ATG10: variants seen among roughly 807,000 people sequenced by gnomAD.
The protein encoded by ATG10 is autophagy related 10, also known as ubiquitin-like-conjugating enzyme ATG10.
In ATG10, 30 loss-of-function variants were observed where a neutral mutation model predicts 32.1. The ratio of observed to expected loss-of-function variants is 0.94; its 90% CI spans 0.70 to 1.27. The LOEUF is 1.27. ATG10 is among the 50% of genes most tolerant of loss of function. ATG10 has a pLI of 0.00. For missense variants in ATG10, 233 were observed against 262.3 expected (o/e 0.89, Z 0.77); for synonymous variants, 87 against 91.5 (o/e 0.95, Z 0.28).
intron 2 of ATG10, among the ~76,000 whole-genome samples, chr5:82,017,012 A>G (rs1476393480): frequency 6.6e-6 from 1 of 152,052 alleles, no homozygotes; most frequent in Non-Finnish European, 1.5e-5. Context: ...TCATTTTTAT[A>G]ATATCAATTC....
intron 2 of ATG10, among the ~76,000 whole-genome samples, chr5:81,998,717 GA>G (rs1417056250): frequency 6.6e-6 from 1 of 151,672 alleles, no homozygotes; most frequent in East Asian, 1.9e-4. Flanking sequence ...ATGGAAAACA[GA>G]AAAAAGCAGG....
intron 3 of ATG10, among the ~76,000 whole-genome samples, chr5:82,139,367 G>T (rs1253706479): frequency 6.7e-6 from 1 of 149,448 alleles, no homozygotes; most frequent in Non-Finnish European, 1.5e-5. Context: ...GAGCGTCTCC[G>T]CCCGGCCCCC....
At chr5:82,202,764 A>AT (rs1275864424) in intron 5 of ATG10, among the ~76,000 whole-genome samples, 1 of 146,800 alleles carries the variant, frequency 6.8e-6, no homozygotes, top group African/African-American at 2.7e-5. Flanking sequence ...AAACAAACAA[A>AT]TTAAAAAATG....
chr5:82,142,155 A>G (rs1189083212), intron 3 of ATG10, among the ~76,000 whole-genome samples: 3 of 152,200 alleles, frequency 2.0e-5, no homozygotes, highest in Non-Finnish European at 4.4e-5. Context: ...TTGAGCATCT[A>G]TATGCCAGGT....
intron 5 of ATG10, among the ~76,000 whole-genome samples, chr5:82,191,320 T>C (rs79559240): frequency 1.5e-3 from 231 of 152,364 alleles, no homozygotes; most frequent in African/African-American, 5.2e-3. Context: ...TTGCCAAAGC[T>C]GAACATTGTT....
chr5:82,180,569 C>T (rs187446339), intron 5 of ATG10, among the ~76,000 whole-genome samples: 1 of 152,260 alleles, frequency 6.6e-6, no homozygotes, highest in African/African-American at 2.4e-5. Context: ...GTTCCAGCTT[C>T]TAGTGTCTTG....
intron 2 of ATG10, among the ~76,000 whole-genome samples, chr5:82,024,864 C>T (rs757531455): frequency 2.0e-5 from 3 of 152,104 alleles, no homozygotes; most frequent in Non-Finnish European, 2.9e-5. Flanking sequence ...TTGACATTCT[C>T]GTATGAAAAT....
chr5:82,075,871 A>G (rs1364761796), intron 3 of ATG10, among the ~76,000 whole-genome samples: 3 of 152,082 alleles, frequency 2.0e-5, no homozygotes, highest in Non-Finnish European at 2.9e-5. Flanking sequence ...GGAAGCAGAC[A>G]TTGCAGTGAG....
intron 5 of ATG10, among the ~76,000 whole-genome samples, chr5:82,230,129 G>C (rs1581829818): frequency 6.6e-6 from 1 of 152,164 alleles, no homozygotes; most frequent in East Asian, 1.9e-4. Flanking sequence ...CTACAGCCAA[G>C]TTGAAAGAAG....
intron 3 of ATG10, among the ~76,000 whole-genome samples, chr5:82,108,168 A>G (rs758028875): frequency 7.2e-5 from 11 of 152,072 alleles, no homozygotes; most frequent in Non-Finnish European, 1.2e-4. Context: ...TTGATTAAAT[A>G]ATACTTGTTT....
chr5:82,029,569 A>C (rs1762687810), intron 2 of ATG10, among the ~76,000 whole-genome samples: 1 of 152,186 alleles, frequency 6.6e-6, no homozygotes, highest in Non-Finnish European at 1.5e-5. Context: ...GGAGAGTATA[A>C]CTTGTCTGTG....
intron 3 of ATG10, among the ~76,000 whole-genome samples, chr5:82,138,752 C>G (rs1019075292): frequency 6.6e-6 from 1 of 151,304 alleles, no homozygotes; most frequent in East Asian, 2.0e-4. Context: ...AAAGTAGTAT[C>G]AATAACATTA....
intron 5 of ATG10, among the ~76,000 whole-genome samples, chr5:82,202,801 A>AGT (rs1423079373): frequency 7.2e-5 from 11 of 152,224 alleles, no homozygotes; most frequent in African/African-American, 2.7e-4. Context: ...TTCAGGCCAT[A>AGT]CTGTTCCCTT....
intron 3 of ATG10, among the ~76,000 whole-genome samples, chr5:82,097,252 A>C (rs1353142799): frequency 6.6e-6 from 1 of 152,182 alleles, no homozygotes; most frequent in Non-Finnish European, 1.5e-5. Flanking sequence ...TTGAAATTTA[A>C]AATTTAAAAA....
chr5:82,135,363 A>G (rs193032697), intron 3 of ATG10, among the ~76,000 whole-genome samples: 34 of 152,252 alleles, frequency 2.2e-4, no homozygotes, highest in Non-Finnish European at 1.2e-4. Context: ...TGGGCATTTT[A>G]GTGCTATAAA....
At chr5:82,033,991 AGTATATAT>A (rs1363966095) in intron 2 of ATG10, among the ~76,000 whole-genome samples, 4 of 147,574 alleles carry the variant, frequency 2.7e-5, no homozygotes, top group African/African-American at 7.4e-5. Flanking sequence ...ACATGTATAT[AGTATATAT>A]GTATATATGT....
intron 3 of ATG10, among the ~76,000 whole-genome samples, chr5:82,138,889 C>T (rs1239825636): frequency 3.4e-4 from 41 of 119,428 alleles, no homozygotes; most frequent in African/African-American, 1.3e-3. Flanking sequence ...CTCTCCCTCT[C>T]CCTCTCATGC....
intron 3 of ATG10, among the ~76,000 whole-genome samples, chr5:82,148,699 AT>A (rs1767462878): frequency 6.6e-6 from 1 of 152,126 alleles, no homozygotes; most frequent in Admixed American, 6.5e-5. Flanking sequence ...TTTTCTTCCA[AT>A]ATGCATTTGA....
chr5:82,087,028 G>A (rs1764719078), intron 3 of ATG10, among the ~76,000 whole-genome samples: 1 of 152,064 alleles, frequency 6.6e-6, no homozygotes, highest in South Asian at 2.1e-4. Flanking sequence ...GTTTTCATTT[G>A]AGTTCATGTT....
Sources: allele counts gnomAD v4.1 joint callset (sites outside exome capture counted in the v4.1 genomes callset), GRCh38; gene constraint gnomAD v4.1.1; transcripts MANE v1.5; gene names NCBI Gene and HGNC (gene_info 2026-07-23, HGNC 2026-07-21).